ERC2: variants seen among roughly 807,000 people sequenced by gnomAD.
The protein encoded by ERC2 is ERC protein 2.
Under a neutral mutation model 114.8 loss-of-function variants are expected in ERC2, and 42 were observed. That is an observed-to-expected ratio of 0.37 (90% CI 0.29 to 0.47). The LOEUF is 0.47. Ranked by LOEUF, ERC2 falls within the 20% of genes least tolerant of loss-of-function variation. The pLI is 0.99. For synonymous variants in ERC2, 454 were observed against 425.5 expected (o/e 1.07, Z -0.82); for missense variants, 939 against 1,150.7 (o/e 0.82, Z 2.66).
At chr3:56,415,289 C>T (rs2061106256) in intron 2 of ERC2, among the ~76,000 whole-genome samples, 1 of 152,154 alleles carries the variant, frequency 6.6e-6, no homozygotes, top group Admixed American at 6.5e-5. Flanking sequence ...CAGATGGGTA[C>T]ACACCCTAAT....
At chr3:56,273,365 C>T (rs746402475) in intron 3 of ERC2, among the ~76,000 whole-genome samples, 96 of 151,008 alleles carry the variant, frequency 6.4e-4, no homozygotes, top group African/African-American at 2.2e-3. Flanking sequence ...GCAATCCACC[C>T]ATCACATCTT....
chr3:55,586,156 T>G (rs1367947962), intron 17 of ERC2, among the ~76,000 whole-genome samples: 2 of 146,234 alleles, frequency 1.4e-5, no homozygotes, highest in African/African-American at 2.5e-5. Context: ...GGGGAGGGAG[T>G]GGGGACTGCA....
intron 11 of ERC2, 129 bp from the exon 12 acceptor site, chr3:55,986,117 G>A (rs1306667496): frequency 2.2e-6 from 2 of 893,668 alleles, no homozygotes; most frequent in Non-Finnish European, 1.7e-6. Context: ...ATATCAGCAG[G>A]TTTATAACTA....
In ERC2 at chr3:55,560,747, T is replaced by C. The variant is rs145554672; in HGVS notation, c.*40-49471A>G. Among the ~76,000 whole-genome samples the C allele has an allele frequency of 3.9e-5, 6 of 152,310 alleles. No individual in the cohort carries two copies. The East Asian group carries it at 9.6e-4, about 24-fold the overall frequency. On this transcript the variant is annotated intron_variant, in intron 17 of 17. Transcript: ENST00000288221. ...AGCCACCAAGTTTTGGGGGCATTTG[T>C]TATACAACAAGAGGTAACTGGATAC...
At chr3:55,867,648 T>C (rs2062387735) in intron 14 of ERC2, among the ~76,000 whole-genome samples, 1 of 152,198 alleles carries the variant, frequency 6.6e-6, no homozygotes, top group South Asian at 2.1e-4. Flanking sequence ...AAATGTCAAG[T>C]CTTTTTCTTG....
chr3:56,444,072 C>T (rs2062447593), intron 1 of ERC2, among the ~76,000 whole-genome samples: 2 of 151,018 alleles, frequency 1.3e-5, no homozygotes, highest in East Asian at 2.0e-4. Context: ...ACGCCATTCT[C>T]CTGACTCAGC....
intron 17 of ERC2, among the ~76,000 whole-genome samples, chr3:55,578,943 G>T (rs960561861): frequency 6.6e-6 from 1 of 152,158 alleles, no homozygotes; most frequent in Non-Finnish European, 1.5e-5. Flanking sequence ...GAGGGGTGGA[G>T]GTGGGAGTGG....
intron 13 of ERC2, among the ~76,000 whole-genome samples, chr3:55,890,257 T>C (rs7649504): frequency 0.091 from 13,904 of 152,192 alleles, 710 homozygotes; most frequent in South Asian, 0.17. Flanking sequence ...TTTTTCTATT[T>C]TTGATAGAAA....
chr3:55,547,663 T>A (rs1033819168), intron 17 of ERC2, among the ~76,000 whole-genome samples: 3 of 152,150 alleles, frequency 2.0e-5, no homozygotes, highest in African/African-American at 7.2e-5. Flanking sequence ...AGGGGAGAAA[T>A]AAAAAGCTAG....
At chr3:56,383,166 C>A (rs898373160) in intron 2 of ERC2, among the ~76,000 whole-genome samples, 9 of 152,172 alleles carry the variant, frequency 5.9e-5, no homozygotes, top group Admixed American at 2.6e-4. Flanking sequence ...CTGTACTGAG[C>A]ATTTGTCTCC....
chr3:55,891,318 A>T (rs1171408422), intron 13 of ERC2, among the ~76,000 whole-genome samples: 1 of 152,120 alleles, frequency 6.6e-6, no homozygotes, highest in Non-Finnish European at 1.5e-5. Context: ...AATGAAGCCC[A>T]GGGCAAACCC....
intron 14 of ERC2, among the ~76,000 whole-genome samples, chr3:55,838,931 C>T (rs1032765194): frequency 6.6e-6 from 1 of 151,782 alleles, no homozygotes; most frequent in African/African-American, 2.4e-5. Flanking sequence ...TACCCTGCTA[C>T]TCATGAAGGT....
intron 17 of ERC2, among the ~76,000 whole-genome samples, chr3:55,621,129 C>T (rs1159508118): frequency 6.6e-6 from 1 of 151,890 alleles, no homozygotes; most frequent in East Asian, 1.9e-4. Context: ...TTCTTATCCA[C>T]TAAAACCCCG....
At chr3:56,016,604 G>C (rs1258933602) in intron 8 of ERC2, among the ~76,000 whole-genome samples, 1 of 152,032 alleles carries the variant, frequency 6.6e-6, no homozygotes, top group East Asian at 1.9e-4. Flanking sequence ...TGATTTGGTA[G>C]GTATAGATGG....
intron 17 of ERC2, among the ~76,000 whole-genome samples, chr3:55,679,399 G>T (rs961079556): frequency 3.9e-5 from 6 of 152,148 alleles, no homozygotes; most frequent in African/African-American, 1.4e-4. Flanking sequence ...TCCTTAAGTA[G>T]GTTCCTCAAG....
chr3:55,758,060 T>C (rs1229012648), intron 14 of ERC2, among the ~76,000 whole-genome samples: 1 of 152,124 alleles, frequency 6.6e-6, no homozygotes, highest in Non-Finnish European at 1.5e-5. Context: ...TATTAATGAC[T>C]TAAAAAAAAT....
intron 14 of ERC2, among the ~76,000 whole-genome samples, chr3:55,761,121 G>A (rs2067400209): frequency 6.6e-6 from 1 of 152,124 alleles, no homozygotes; most frequent in African/African-American, 2.4e-5. Context: ...TAATACAAAC[G>A]AAAGGAGAGT....
At chr3:55,892,820 T>C (rs182535358) in intron 13 of ERC2, among the ~76,000 whole-genome samples, 20 of 152,300 alleles carry the variant, frequency 1.3e-4, no homozygotes, top group African/African-American at 4.6e-4. Context: ...TTTTAATATA[T>C]GAGCAGTGCT....
intron 14 of ERC2, among the ~76,000 whole-genome samples, chr3:55,840,572 G>A (rs141480724): frequency 8.0e-4 from 122 of 152,040 alleles, no homozygotes; most frequent in African/African-American, 2.8e-3. Flanking sequence ...AACAGTCAAC[G>A]ATTTCTTGAA....
Sources: gnomAD v4.1 joint callset for allele counts (sites outside exome capture counted in the v4.1 genomes callset) on GRCh38, gnomAD v4.1.1 for gene constraint, MANE v1.5 for transcripts, NCBI Gene and HGNC (gene_info 2026-07-23, HGNC 2026-07-21) for gene names.